NOTCH2: variants seen among roughly 807,000 people sequenced by gnomAD.
NOTCH2 encodes notch receptor 2, also known as neurogenic locus notch homolog protein 2.
NOTCH2 carries 29 observed loss-of-function variants against 235.8 expected under a neutral mutation model. The ratio of observed to expected loss-of-function variants is 0.12; its 90% CI spans 0.09 to 0.17. The LOEUF is 0.17. NOTCH2 is among the 10% of genes least tolerant of loss of function. The pLI, the probability that NOTCH2 is intolerant of heterozygous loss-of-function variation, is 1.00. For missense variants in NOTCH2, 2,285 were observed against 3,150.2 expected (o/e 0.73, Z 6.57); for synonymous variants, 1,086 against 1,141.5 (o/e 0.95, Z 0.98).
In NOTCH2 at chr1:119,916,587, A is replaced by C; in HGVS notation, c.6135T>G (p.Leu2045=). The change falls in exon 34 of 34, where the codon CTT becomes CTG. Residue 2045 remains leucine, a synonymous_variant. Coordinates refer to ENST00000256646, the MANE Select transcript of NOTCH2 (RefSeq NM_024408.4). The part of the protein sequence containing the change: ...NRDITDHMDR[L]PRDVARDRMH... Reference sequence around the variant, plus strand: ...TGCGATCCCGAGCCACATCCCGGGGAAGACGATCCATATGGTCTGTGATGT... The same window carrying C: ...TGCGATCCCGAGCCACATCCCGGGGCAGACGATCCATATGGTCTGTGATGT... 1 of 1,614,120 alleles carries C rather than the reference A, an allele frequency of 6.2e-7. No individual in the cohort carries two copies. Among genetic ancestry groups the C allele is most frequent in the Non-Finnish European group, 8.5e-7 (1 of 1,180,012 alleles).
chr1:119,971,032 A>G (rs781966331), intron 5 of NOTCH2, among the ~76,000 whole-genome samples: 2 of 152,236 alleles, frequency 1.3e-5, no homozygotes, highest in Non-Finnish European at 2.9e-5. Flanking sequence ...TGGCTCATGT[A>G]TCTGTAGAAG....
At chr1:119,976,078 AC>A (rs1651572173) in intron 5 of NOTCH2, among the ~76,000 whole-genome samples, 1 of 152,186 alleles carries the variant, frequency 6.6e-6, no homozygotes, top group African/African-American at 2.4e-5. Flanking sequence ...TCTCATTGCA[AC>A]AACAATCTCC....
In NOTCH2 at chr1:119,929,138, T is replaced by C; in HGVS notation, c.3730A>G (p.Arg1244Gly). The change falls in exon 23 of 34, where the codon AGG (arginine) becomes GGG (glycine). Residue 1244 changes from arginine (R) to glycine (G), a missense_variant. Arg to Gly is a moderately radical substitution (Grantham distance 125, BLOSUM62 -2). Coordinates refer to ENST00000256646, the MANE Select transcript of NOTCH2 (RefSeq NM_024408.4). The part of the protein sequence containing the change: ...HCLNGGQCMD[R>G]IGGYSCRCLP... ...CAGCGACAACTGTAGCCTCCAATCC[T>C]ATCCATGCACTGACCACCATTAAGG... 4 of 1,614,166 alleles carry C rather than the reference T, an allele frequency of 2.5e-6. No homozygotes were observed. The highest frequency in any genetic ancestry group is 3.4e-6 in the Non-Finnish European group (4 of 1,180,030).
At position 119,913,575 on chromosome 1, in the gene NOTCH2, G is replaced by A. The variant is rs1648961418; in HGVS notation, c.*1731C>T. ...TTATTAACTGGCCCAAGGAGAAGAG[G>A]AAGAAAACTATTCTTTATCTACAAT... On this transcript the variant is annotated 3_prime_UTR_variant, in exon 34 of 34. Transcript: ENST00000256646. 4 of 233,144 alleles carry A rather than the reference G, an allele frequency of 1.7e-5. No homozygotes were observed. Among genetic ancestry groups the A allele is most frequent in the Non-Finnish European group, 3.4e-5 (4 of 118,062 alleles). The allele number at this position is 233,144 out of a possible 1,614,324, so 14.4% of individuals were successfully genotyped here. A position where few individuals can be genotyped will look rare whatever the true frequency, so the allele number is the denominator to read the frequency against.
intron 1 of NOTCH2, among the ~76,000 whole-genome samples, chr1:120,067,605 A>G (rs587686739): frequency 4.3e-4 from 66 of 152,298 alleles, no homozygotes; most frequent in African/African-American, 1.6e-3. Flanking sequence ...ATGAAGATTA[A>G]GTTATTTACC....
chr1:119,964,709 C>T (rs1651070073), intron 10 of NOTCH2, among the ~76,000 whole-genome samples: 1 of 152,170 alleles, frequency 6.6e-6, no homozygotes, highest in African/African-American at 2.4e-5. Context: ...AAATTAATGT[C>T]TTGAATTACA....
chr1:119,939,131 C>A (rs1234980605), intron 19 of NOTCH2, among the ~76,000 whole-genome samples: 8 of 152,146 alleles, frequency 5.3e-5, no homozygotes, highest in Non-Finnish European at 1.2e-4. Flanking sequence ...CTGGAGAAAA[C>A]CCACACAGAC....
At chr1:119,931,384 C>T (rs1326799503) in intron 22 of NOTCH2, among the ~76,000 whole-genome samples, 1 of 151,958 alleles carries the variant, frequency 6.6e-6, no homozygotes, top group African/African-American at 2.4e-5. Flanking sequence ...TAGCAAGACT[C>T]CTCATCATAA....
At chr1:119,947,130 T>A (rs587617882) in intron 17 of NOTCH2, among the ~76,000 whole-genome samples, 1 of 152,260 alleles carries the variant, frequency 6.6e-6, no homozygotes, top group Admixed American at 6.5e-5. Flanking sequence ...TAGGTGAAGA[T>A]TTGTTAAACA....
At chr1:119,948,671 A>G in intron 16 of NOTCH2, 105 bp from the exon 17 acceptor site, 1 of 1,352,520 alleles carries the variant, frequency 7.4e-7, no homozygotes, top group Non-Finnish European at 1.1e-6. Context: ...TATTCCACAG[A>G]CAAACTGGTT....
intron 1 of NOTCH2, among the ~76,000 whole-genome samples, chr1:120,040,955 G>C (rs1553212646): frequency 7.0e-6 from 1 of 143,510 alleles, no homozygotes; most frequent in East Asian, 2.1e-4. Context: ...GCAGGAGAAT[G>C]GAATGAACCC....
At position 120,005,494 on chromosome 1, in the gene NOTCH2, T is replaced by C. The variant is rs587750639; in HGVS notation, c.250A>G (p.Met84Val). ...QNGGTCVAQA[M>V]LGKATCRCAS... ...CATCGGCACGTGGCTTTCCCCAGCATGGCCTGGGCCACACAAGTCCCACCA... is the reference window on the plus strand; with the variant it reads ...CATCGGCACGTGGCTTTCCCCAGCACGGCCTGGGCCACACAAGTCCCACCA... Residue 84 changes from methionine (M) to valine (V), a missense_variant, in exon 3 of 34, where the codon ATG (methionine) becomes GTG (valine). Coordinates refer to ENST00000256646, the MANE Select transcript of NOTCH2 (RefSeq NM_024408.4). The C allele has an allele frequency of 5.6e-6, 9 of 1,613,388 alleles. No individual in the cohort carries two copies. Among genetic ancestry groups the C allele is most frequent in the African/African-American group, 5.3e-5 (4 of 74,898 alleles).
At chr1:119,919,946 C>A (rs587623844) in intron 30 of NOTCH2, among the ~76,000 whole-genome samples, 42 of 152,244 alleles carry the variant, frequency 2.8e-4, no homozygotes, top group Non-Finnish European at 4.4e-4. Context: ...TACTAACTAT[C>A]CTCTGCTTTG....
Position 119,915,137 on chromosome 1 carries a change from A to G in NOTCH2, c.*169T>C. 1.4e-6 allele frequency: 1 copy of G among 710,654 alleles called. No homozygotes were observed. The highest frequency in any genetic ancestry group is 1.7e-5 in the South Asian group (1 of 59,038). The allele number at this position is 710,654 out of a possible 1,614,324, so 44.0% of individuals were successfully genotyped here. A position where few individuals can be genotyped will look rare whatever the true frequency, so the allele number is the denominator to read the frequency against. On this transcript the variant is annotated 3_prime_UTR_variant, in exon 34 of 34. Coordinates refer to ENST00000256646, the MANE Select transcript of NOTCH2 (RefSeq NM_024408.4). ...CAATAAGCCTTGCAGATACCCAGTG[A>G]AACTGACGAATTGCTTCTCTTGCAT...
chr1:120,008,749 A>G (rs1653067882), intron 2 of NOTCH2, among the ~76,000 whole-genome samples: 2 of 152,208 alleles, frequency 1.3e-5, no homozygotes, highest in Non-Finnish European at 1.5e-5. Context: ...CACAAAGAAT[A>G]TTAAACTTAT....
intron 25 of NOTCH2, among the ~76,000 whole-genome samples, chr1:119,925,096 C>CAG (rs1649426123): frequency 6.6e-6 from 1 of 152,098 alleles, no homozygotes; most frequent in Admixed American, 6.5e-5. Context: ...CAAAGATAGG[C>CAG]AGAGAGAGAG....
chr1:119,943,983 T>G (rs1335667875), intron 17 of NOTCH2, among the ~76,000 whole-genome samples: 4 of 151,880 alleles, frequency 2.6e-5, no homozygotes, highest in Non-Finnish European at 5.9e-5. Flanking sequence ...GAGGAAACAA[T>G]TAGTAAACTT....
chr1:119,947,892 T>C (rs1650320213), intron 17 of NOTCH2, among the ~76,000 whole-genome samples: 1 of 152,232 alleles, frequency 6.6e-6, no homozygotes, highest in Non-Finnish European at 1.5e-5. Flanking sequence ...TCCTGACTTA[T>C]GCTTATCTAA....
intron 32 of NOTCH2, among the ~76,000 whole-genome samples, chr1:119,918,043 T>C (rs587680133): frequency 6.6e-6 from 1 of 152,302 alleles, no homozygotes; most frequent in Non-Finnish European, 1.5e-5. Flanking sequence ...ATACTGAAGA[T>C]AAAAACCTAT....
Sources: gnomAD v4.1 joint callset for allele counts (sites outside exome capture counted in the v4.1 genomes callset) on GRCh38, gnomAD v4.1.1 for gene constraint, MANE v1.5 for transcripts, NCBI Gene and HGNC (gene_info 2026-07-23, HGNC 2026-07-21) for gene names.